Variants in HLCS observed in about 807,000 individuals in gnomAD.
HLCS encodes the protein holocarboxylase synthetase.
In HLCS, 53 loss-of-function variants were observed where a neutral mutation model predicts 75.0. The observed-to-expected ratio is 0.71, with a 90% CI of 0.57 to 0.89. HLCS has a LOEUF of 0.89. Ranked by LOEUF, HLCS falls within the 40% of genes least tolerant of loss-of-function variation. The pLI is 0.00. For synonymous variants in HLCS, 431 were observed against 428.6 expected, an observed-to-expected ratio of 1.01 and a Z score of -0.07; for missense variants, 966 against 1,074.0, an observed-to-expected ratio of 0.90 and a Z score of 1.41.
intron 2 of HLCS, among the ~76,000 whole-genome samples, chr21:36,957,324 C>T (rs567235932): frequency 6.6e-5 from 10 of 152,190 alleles, no homozygotes; most frequent in South Asian, 6.2e-4. Context: ...CACACCTGCA[C>T]CTCTGTCACT....
chr21:36,860,897 TCA>T (rs1307189900), intron 6 of HLCS, among the ~76,000 whole-genome samples: 1 of 152,240 alleles, frequency 6.6e-6, no homozygotes, highest in Non-Finnish European at 1.5e-5. Context: ...TTAGAAATTA[TCA>T]CTCAATCAAT....
At chr21:36,942,882 A>C (rs1486451907) in intron 2 of HLCS, among the ~76,000 whole-genome samples, 1 of 151,962 alleles carries the variant, frequency 6.6e-6, no homozygotes, top group Non-Finnish European at 1.5e-5. Flanking sequence ...GTGAGCCAAG[A>C]TTGCACCACT....
chr21:36,987,285 C>T (rs928455058), intron 1 of HLCS, among the ~76,000 whole-genome samples: 1 of 152,182 alleles, frequency 6.6e-6, no homozygotes, highest in African/African-American at 2.4e-5. Flanking sequence ...CCCCAGCTCT[C>T]TCAGCAGACA....
At position 36,892,697 on chromosome 21, in the gene HLCS, G is replaced by A. The variant is rs113405071; in HGVS notation, c.1892+4163C>T. 4.5e-3 allele frequency among the ~76,000 whole-genome samples: 683 copies of A among 152,266 alleles called. 8 individuals carry two copies. The highest frequency in any genetic ancestry group is 0.016 in the African/African-American group (646 of 41,552). On this transcript the variant is annotated intron_variant, in intron 6 of 10. Coordinates refer to ENST00000674895, the MANE Select transcript of HLCS (RefSeq NM_001352514.2). The stretch of plus-strand genomic sequence containing the variant: ...GCTGTTCCCCACTGTGTCCTTCCCC[G>A]TCTTCCTTAGGAATACAACTCCCAA...
In HLCS at chr21:36,921,352, G is replaced by A. The variant is rs138490961; in HGVS notation, c.1620+8899C>T. Among the ~76,000 whole-genome samples the A allele has an allele frequency of 7.0e-3, 1,059 of 152,330 alleles. 14 individuals are homozygous for A. The highest frequency in any genetic ancestry group is 0.025 in the African/African-American group (1,032 of 41,570). The stretch of plus-strand genomic sequence containing the variant: ...TCCAGCTACTCAGGAGGCTGAGGCA[G>A]GAGAATCGCTTGAACCCGGGAGGTG... On this transcript the variant is annotated intron_variant, in intron 5 of 10. Transcript: ENST00000674895.
chr21:36,862,945 C>CTTTT (rs779603490), intron 6 of HLCS, among the ~76,000 whole-genome samples: 1 of 140,022 alleles, frequency 7.1e-6, no homozygotes, highest in Non-Finnish European at 1.5e-5. Flanking sequence ...CTCTTTCTCT[C>CTTTT]TTTTTTTTTT....
chr21:36,863,827 G>A (rs1369487161), intron 6 of HLCS, among the ~76,000 whole-genome samples: 1 of 15,334 alleles, frequency 6.5e-5, no homozygotes, highest in Non-Finnish European at 1.2e-4. Flanking sequence ...GAAATGCTCT[G>A]ATGCTGTGGT....
intron 6 of HLCS, among the ~76,000 whole-genome samples, chr21:36,879,189 C>T (rs960051646): frequency 3.1e-3 from 1 of 324 alleles, no homozygotes; most frequent in African/African-American, 0.014. Context: ...CAGTTATTAA[C>T]CCCATTCCTA....
chr21:36,783,269 C>T (rs1388469310), intron 6 of HLCS, among the ~76,000 whole-genome samples: 1 of 152,136 alleles, frequency 6.6e-6, no homozygotes, highest in Non-Finnish European at 1.5e-5. Flanking sequence ...CTCTGAATCC[C>T]AACCTCCAGA....
At chr21:36,787,611 A>G (rs1188975119) in intron 6 of HLCS, among the ~76,000 whole-genome samples, 2 of 152,066 alleles carry the variant, frequency 1.3e-5, no homozygotes, top group Non-Finnish European at 2.9e-5. Flanking sequence ...ACATGATGGA[A>G]AGCTCCTTTG....
chr21:36,946,182 A>G, intron 2 of HLCS: 1 of 700,154 alleles, frequency 1.4e-6, no homozygotes, highest in Non-Finnish European at 1.8e-6. Context: ...GGTGAAAAAA[A>G]TCTTAGACAT....
chr21:36,759,335 C>A (rs1164807242), intron 9 of HLCS, among the ~76,000 whole-genome samples: 1 of 152,248 alleles, frequency 6.6e-6, no homozygotes, highest in African/African-American at 2.4e-5. Flanking sequence ...CCAGCTCTTT[C>A]ATGGCCCAGG....
chr21:36,757,434 C>T (rs1273560330), intron 9 of HLCS, among the ~76,000 whole-genome samples: 1 of 152,170 alleles, frequency 6.6e-6, no homozygotes, highest in Admixed American at 6.5e-5. Context: ...ACACCACTAT[C>T]CTCTCCAGGC....
intron 7 of HLCS, 55 bp downstream of exon 7, chr21:36,767,163 A>G (rs1435454755): frequency 1.3e-6 from 2 of 1,540,726 alleles, no homozygotes; most frequent in Non-Finnish European, 1.8e-6. Context: ...GGGCCACAAG[A>G]GTTGCAGAGT....
chr21:36,760,118 G>T (rs1165673022), intron 8 of HLCS, among the ~76,000 whole-genome samples: 1 of 152,126 alleles, frequency 6.6e-6, no homozygotes, highest in Admixed American at 6.5e-5. Context: ...TTCTGAAGAT[G>T]CTTACCTTGT....
intron 6 of HLCS, among the ~76,000 whole-genome samples, chr21:36,820,787 C>G (rs1011466287): frequency 4.6e-5 from 7 of 152,248 alleles, no homozygotes; most frequent in African/African-American, 1.7e-4. Flanking sequence ...CCTGGTGAAG[C>G]TCCATCTTCA....
chr21:36,817,104 GA>G (rs2061686746), intron 6 of HLCS, among the ~76,000 whole-genome samples: 1 of 152,176 alleles, frequency 6.6e-6, no homozygotes, highest in Non-Finnish European at 1.5e-5. Context: ...ATGTAGACTC[GA>G]TTAGAGTGGA....
intron 6 of HLCS, among the ~76,000 whole-genome samples, chr21:36,858,201 A>G (rs1303045674): frequency 6.6e-6 from 1 of 152,226 alleles, no homozygotes; most frequent in East Asian, 1.9e-4. Context: ...ATCTTATCTC[A>G]TCAAGAGCAT....
chr21:36,867,551 C>G (rs2063600196), intron 6 of HLCS, among the ~76,000 whole-genome samples: 1 of 152,176 alleles, frequency 6.6e-6, no homozygotes, highest in Non-Finnish European at 1.5e-5. Context: ...CAGCCTCACA[C>G]GTTTAAGAGA....
Sources: gnomAD v4.1 joint callset for allele counts (sites outside exome capture counted in the v4.1 genomes callset) on GRCh38, gnomAD v4.1.1 for gene constraint, MANE v1.5 for transcripts, NCBI Gene and HGNC (gene_info 2026-07-23, HGNC 2026-07-21) for gene names.